Variants in COL3A1 observed in about 807,000 individuals in gnomAD.
COL3A1 encodes collagen alpha-1(III) chain.
Under a neutral mutation model 200.9 loss-of-function variants are expected in COL3A1, and 46 were observed. That is an observed-to-expected ratio of 0.23 (90% CI 0.18 to 0.29). The LOEUF is 0.29. COL3A1 is among the 10% of genes least tolerant of loss of function. The pLI is 1.00. For synonymous variants in COL3A1, 650 were observed against 628.0 expected, an observed-to-expected ratio of 1.03 and a Z score of -0.52; for missense variants, 1,367 against 1,917.6, an observed-to-expected ratio of 0.71 and a Z score of 5.36.
At chr2:189,008,448 A>G (rs1688645925) in intron 47 of COL3A1, 3 of 445,802 alleles carry the variant, frequency 6.7e-6, no homozygotes, top group South Asian at 4.4e-5. Context: ...GAATTACAAC[A>G]TTCATAATTA....
chr2:189,008,463 C>T lies in COL3A1; in HGVS notation c.3525+321C>T, dbSNP rs369923658. 3.5e-5 allele frequency: 15 copies of T among 427,100 alleles called. No individual in the cohort carries two copies. The East Asian group carries it at 5.6e-4, about 16-fold the overall frequency. 26.5% of individuals were successfully genotyped at this position (427,100 alleles called of 1,614,324 possible). On this transcript the variant is annotated intron_variant, in intron 47 of 50. Transcript: ENST00000304636. ...GAATTACAACATTCATAATTATCTG[C>T]GTTTATGTAGTGCATTTTACTTCTC...
intron 1 of COL3A1, among the ~76,000 whole-genome samples, chr2:188,981,455 G>A (rs1489506500): frequency 6.6e-6 from 1 of 151,474 alleles, no homozygotes; most frequent in Non-Finnish European, 1.5e-5. Context: ...AATTGGAACA[G>A]AGAGATTTAG....
intron 14 of COL3A1, among the ~76,000 whole-genome samples, chr2:188,992,667 A>C (rs531100244): frequency 4.6e-5 from 7 of 152,310 alleles, no homozygotes; most frequent in Non-Finnish European, 1.0e-4. Context: ...AAGTCACAGA[A>C]TTCATGGCAA....
rs1185405981 is a variant in COL3A1, at chr2:189,006,246, C to T, written c.3080C>T (p.Ser1027Phe). 2.5e-6 allele frequency: 4 copies of T among 1,614,176 alleles called. No homozygotes were observed. The South Asian group carries it at 4.4e-5, about 18-fold the overall frequency. Residue 1027 changes from serine to phenylalanine, a missense_variant, in exon 42 of 51, where the codon TCT becomes TTT. Around this residue, in one of 5 missense-constraint regions of COL3A1, gnomAD observed 846 missense variants for 1,147.9 expected, o/e 0.74. Coordinates refer to ENST00000304636, the MANE Select transcript of COL3A1 (RefSeq NM_000090.4). ...GSDGLPGRDG[S>F]PGGKGDRGEN... The stretch of plus-strand genomic sequence containing the variant: ...GATGGTCTTCCAGGCCGAGATGGAT[C>T]TCCTGGTGGCAAGGTATAATAAACA...
At position 189,005,400 on chromosome 2, in the gene COL3A1, C is replaced by T; in HGVS notation, c.2982C>T (p.Pro994=). 1 of 1,614,002 alleles carries T rather than the reference C, an allele frequency of 6.2e-7. No homozygotes were observed. The highest frequency in any genetic ancestry group is 1.7e-5 in the Admixed American group (1 of 60,010). ...ACGGTCTCAGTGGAGAACGTGGTCC[C>T]CCTGGACCCCAGGGTCTTCCTGGTC... is the stretch of plus-strand genomic sequence containing the variant. ...GANGLSGERG[P]PGPQGLPGLA... Residue 994 remains proline (P), a synonymous_variant, in exon 41 of 51, where the codon CCC becomes CCT. Coordinates refer to ENST00000304636, the MANE Select transcript of COL3A1 (RefSeq NM_000090.4).
At chr2:189,000,497 G>C (rs553406830) in intron 32 of COL3A1, among the ~76,000 whole-genome samples, 1 of 152,284 alleles carries the variant, frequency 6.6e-6, no homozygotes, top group African/African-American at 2.4e-5. Flanking sequence ...TGTGGCTATG[G>C]AGACATGACA....
chr2:189,007,681 C>T, intron 45 of COL3A1, 74 bp downstream of exon 45: 1 of 1,375,082 alleles, frequency 7.3e-7, no homozygotes. Context: ...GAAAGCTTTC[C>T]ATCTCTAAAA....
At chr2:188,982,381 C>G (rs1460647972) in intron 1 of COL3A1, among the ~76,000 whole-genome samples, 3 of 151,618 alleles carry the variant, frequency 2.0e-5, no homozygotes, top group Admixed American at 2.0e-4. Context: ...ATGGAAAGTA[C>G]TGTATTTCTA....
At chr2:188,979,195 T>C (rs1458711431) in intron 1 of COL3A1, among the ~76,000 whole-genome samples, 1 of 151,982 alleles carries the variant, frequency 6.6e-6, no homozygotes, top group Non-Finnish European at 1.5e-5. Context: ...GCATATATTT[T>C]TCTGAAACTG....
chr2:188,985,335 T>C (rs1183602178), intron 3 of COL3A1, 88 bp downstream of exon 3: 4 of 1,036,026 alleles, frequency 3.9e-6, no homozygotes, highest in Non-Finnish European at 6.1e-6. Context: ...GCTTTCATCA[T>C]ACATTCTCTT....
rs780866547 is a variant in COL3A1, at chr2:189,004,337, G to A, written c.2904G>A (p.Arg968=). The part of the protein sequence containing the change: ...LAGPPGMPGP[R]GSPGPQGVKG... ...GACCACCAGGCATGCCAGGTCCTAG[G>A]GGAAGCCCTGGCCCTCAGGGTGTCA... The change falls in exon 40 of 51, where the codon AGG becomes AGA. Residue 968 remains arginine (R), a synonymous_variant. Coordinates refer to ENST00000304636, the MANE Select transcript of COL3A1 (RefSeq NM_000090.4). 8 of 1,603,298 alleles carry A rather than the reference G, an allele frequency of 5.0e-6. No individual in the cohort carries two copies. The highest frequency in any genetic ancestry group is 6.8e-6 in the Non-Finnish European group (8 of 1,175,328).
intron 43 of COL3A1, 33 bp downstream of exon 43, chr2:189,006,485 GT>G (rs546036320): frequency 2.3e-5 from 36 of 1,599,250 alleles, no homozygotes; most frequent in Admixed American, 6.7e-5. Context: ...TGTCTTGTTT[GT>G]CTATTTCCTT....
At chr2:189,000,175 A>G (rs1417996863) in intron 32 of COL3A1, among the ~76,000 whole-genome samples, 4 of 152,202 alleles carry the variant, frequency 2.6e-5, no homozygotes, top group Non-Finnish European at 5.9e-5. Flanking sequence ...ACTGAAATTT[A>G]GGATAATCAA....
chr2:189,006,079 G>C, intron 41 of COL3A1, 127 bp from the exon 42 acceptor site: 1 of 903,688 alleles, frequency 1.1e-6, no homozygotes, highest in Non-Finnish European at 1.8e-6. Flanking sequence ...TAATATCTAA[G>C]ATTTCTTACC....
chr2:188,983,567 G>C (rs1687999062), intron 1 of COL3A1, among the ~76,000 whole-genome samples: 2 of 151,948 alleles, frequency 1.3e-5, no homozygotes, highest in Non-Finnish European at 2.9e-5. Flanking sequence ...GTGGCTGCAT[G>C]TAGTGCCCAG....
chr2:189,001,069 A>C (rs2153503193), intron 32 of COL3A1, among the ~76,000 whole-genome samples: 1 of 152,346 alleles, frequency 6.6e-6, no homozygotes, highest in East Asian at 1.9e-4. Context: ...CAATTGAATA[A>C]AGAAATGTAC....
intron 39 of COL3A1, 32 bp downstream of exon 39, chr2:189,004,175 A>G: frequency 6.2e-7 from 1 of 1,612,922 alleles, no homozygotes; most frequent in South Asian, 1.1e-5. Flanking sequence ...AATTGATTCT[A>G]CTATTTTGAT....
chr2:189,004,790 A>G (rs1688551883), intron 40 of COL3A1, among the ~76,000 whole-genome samples: 1 of 152,218 alleles, frequency 6.6e-6, no homozygotes, highest in African/African-American at 2.4e-5. Flanking sequence ...ATATTCCTAT[A>G]ACATTCTAGT....
chr2:189,004,148 G>A lies in COL3A1; in HGVS notation c.2823+5G>A, dbSNP rs1559060755. ...CCTGGTGCCCAGGGCCCACCAGTAA[G>A]TAACTTCATTTTTTTAAATTGATTC... On this transcript the variant is annotated splice_donor_5th_base_variant and intron_variant, in intron 39 of 50. Transcript: ENST00000304636. The A allele has an allele frequency of 1.9e-6, 3 of 1,613,986 alleles. No homozygotes were observed. Among genetic ancestry groups the A allele is most frequent in the Non-Finnish European group, 1.7e-6 (2 of 1,179,998 alleles).
Sources: gnomAD v4.1 joint callset for allele counts (sites outside exome capture counted in the v4.1 genomes callset) on GRCh38, gnomAD v4.1.1 for gene constraint, gnomAD v4.1.1 regional missense constraint, MANE v1.5 for transcripts, NCBI Gene and HGNC (gene_info 2026-07-23, HGNC 2026-07-21) for gene names.